MIGA1: variants seen among roughly 807,000 people sequenced by gnomAD.
The protein encoded by MIGA1 is mitoguardin 1, also known as family with sequence similarity 73, member A.
Under a neutral mutation model 82.0 loss-of-function variants are expected in MIGA1, and 58 were observed. The ratio of observed to expected loss-of-function variants is 0.71; its 90% CI spans 0.57 to 0.88. The LOEUF (loss-of-function observed/expected upper bound fraction) is 0.88, where lower values mean the gene tolerates loss of function less well. MIGA1 is among the 40% of genes least tolerant of loss of function. The probability of loss-of-function intolerance (pLI) is 0.00; values close to 1 mark genes in which losing one functional copy is unlikely to be tolerated. For synonymous variants in MIGA1, 249 were observed against 253.6 expected (o/e 0.98, Z 0.17); for missense variants, 751 against 749.1 (o/e 1.00, Z -0.03).
chr1:77,824,169 G>T (rs1160311392), intron 7 of MIGA1, among the ~76,000 whole-genome samples: 2 of 152,152 alleles, frequency 1.3e-5, no homozygotes, highest in Non-Finnish European at 2.9e-5. Flanking sequence ...TAAAATAGGA[G>T]GACTTTTATT....
At chr1:77,848,472 G>T (rs898224295) in intron 8 of MIGA1, 1 of 1,011,136 alleles carries the variant, frequency 9.9e-7, no homozygotes, top group African/African-American at 1.6e-5. Flanking sequence ...TTGATCTTCA[G>T]AAAGAAATCT....
At chr1:77,797,146 A>T (rs1329948976) in intron 2 of MIGA1, among the ~76,000 whole-genome samples, 2 of 152,228 alleles carry the variant, frequency 1.3e-5, no homozygotes, top group African/African-American at 2.4e-5. Flanking sequence ...TTTGTTGATG[A>T]GTAACATTCC....
intron 14 of MIGA1, among the ~76,000 whole-genome samples, chr1:77,871,094 G>GAGGAGA (rs1685967702): frequency 5.6e-5 from 3 of 53,378 alleles, no homozygotes; most frequent in Admixed American, 1.7e-4. Flanking sequence ...CCGTGGGAAG[G>GAGGAGA]GGGAGAGGGA....
intron 8 of MIGA1, among the ~76,000 whole-genome samples, chr1:77,854,523 G>A (rs1012597163): frequency 1.3e-5 from 2 of 152,200 alleles, no homozygotes; most frequent in African/African-American, 4.8e-5. Context: ...CACCAGCAGT[G>A]TAGAAGTGTT....
intron 2 of MIGA1, among the ~76,000 whole-genome samples, chr1:77,787,563 A>G (rs1477050715): frequency 6.6e-6 from 1 of 151,156 alleles, no homozygotes; most frequent in Non-Finnish European, 1.5e-5. Flanking sequence ...TAATTTTTGT[A>G]TTTTTAATAG....
At chr1:77,813,231 C>T (rs1443754033) in intron 5 of MIGA1, among the ~76,000 whole-genome samples, 1 of 152,148 alleles carries the variant, frequency 6.6e-6, no homozygotes, top group East Asian at 1.9e-4. Context: ...ATCCACCCAC[C>T]TCGGGCTCCC....
intron 5 of MIGA1, 58 bp downstream of exon 5, chr1:77,807,159 CTT>C: frequency 7.2e-7 from 1 of 1,382,432 alleles, no homozygotes; most frequent in Non-Finnish European, 9.9e-7. Flanking sequence ...TTGTTTTGTT[CTT>C]GTTTTTTATT....
At chr1:77,861,045 C>A in intron 11 of MIGA1, 179 bp from the exon 12 acceptor site, 1 of 497,918 alleles carries the variant, frequency 2.0e-6, no homozygotes, top group South Asian at 3.3e-5. Context: ...TTTATCTTGG[C>A]TTCTGCAAAA....
At chr1:77,840,640 C>A (rs1351699190) in intron 7 of MIGA1, among the ~76,000 whole-genome samples, 1 of 152,006 alleles carries the variant, frequency 6.6e-6, no homozygotes, top group African/African-American at 2.4e-5. Flanking sequence ...TGCAGAAACC[C>A]CGTCTCTACT....
At chr1:77,788,148 A>G (rs1002108124) in intron 2 of MIGA1, among the ~76,000 whole-genome samples, 1 of 152,164 alleles carries the variant, frequency 6.6e-6, no homozygotes, top group Non-Finnish European at 1.5e-5. Flanking sequence ...GATTATAGGC[A>G]TGTGCCAGCA....
chr1:77,854,870 CT>C (rs1157273799), intron 8 of MIGA1, among the ~76,000 whole-genome samples: 1 of 152,152 alleles, frequency 6.6e-6, no homozygotes, highest in Non-Finnish European at 1.5e-5. Flanking sequence ...TCAACTGGTC[CT>C]TTTGCCATGC....
intron 2 of MIGA1, among the ~76,000 whole-genome samples, chr1:77,791,134 T>C (rs1682400363): frequency 6.6e-6 from 1 of 150,932 alleles, no homozygotes; most frequent in African/African-American, 2.4e-5. Context: ...TAGTTCTAGC[T>C]GAGGAGGCTG....
At chr1:77,796,043 CTTA>C (rs1336441760) in intron 2 of MIGA1, among the ~76,000 whole-genome samples, 1 of 152,142 alleles carries the variant, frequency 6.6e-6, no homozygotes, top group South Asian at 2.1e-4. Flanking sequence ...AATATATTTA[CTTA>C]TTATAATATC....
At chr1:77,816,719 C>T (rs1201757303) in intron 7 of MIGA1, among the ~76,000 whole-genome samples, 2 of 151,956 alleles carry the variant, frequency 1.3e-5, no homozygotes, top group South Asian at 2.1e-4. Flanking sequence ...AGGCAGTATT[C>T]GTATCAACAA....
At chr1:77,832,330 T>G (rs920778810) in intron 7 of MIGA1, among the ~76,000 whole-genome samples, 14 of 152,240 alleles carry the variant, frequency 9.2e-5, no homozygotes, top group African/African-American at 3.4e-4. Context: ...TTTAATTTCC[T>G]AGTATATGTC....
Position 77,779,701 on chromosome 1 carries a change from G to C in MIGA1, c.46G>C (p.Val16Leu). ...GCCAGGCATCAGCTGGGAAGCTGGC[G>C]TGGGCAGGCCAGCTGTACCTGGCCT... The change falls in exon 1 of 16, where the codon GTG becomes CTG. Residue 16 changes from valine (V) to leucine (L), a missense_variant. Val to Leu is a conservative substitution (Grantham distance 32). This residue lies in a region of MIGA1 where 482 missense variants were observed against 439.4 expected (regional missense o/e 1.10). Coordinates refer to ENST00000370791, the MANE Select transcript of MIGA1 (RefSeq NM_198549.4). 6.3e-7 allele frequency: 1 copy of C among 1,590,406 alleles called. No individual in the cohort carries two copies. Among genetic ancestry groups the C allele is most frequent in the Non-Finnish European group, 8.6e-7 (1 of 1,168,592 alleles).
intron 1 of MIGA1, among the ~76,000 whole-genome samples, chr1:77,780,480 A>G (rs919751408): frequency 1.3e-5 from 2 of 152,218 alleles, no homozygotes; most frequent in African/African-American, 4.8e-5. Flanking sequence ...TGTCAGAGTT[A>G]GGTTATATAG....
At chr1:77,799,131 T>A (rs1162476350) in intron 2 of MIGA1, among the ~76,000 whole-genome samples, 1 of 152,188 alleles carries the variant, frequency 6.6e-6, no homozygotes, top group Non-Finnish European at 1.5e-5. Context: ...ATTTTTTGCA[T>A]CTATCAATGA....
At chr1:77,860,464 A>G (rs1685420095) in intron 11 of MIGA1, 1 of 181,468 alleles carries the variant, frequency 5.5e-6, no homozygotes, top group Non-Finnish European at 1.1e-5. Flanking sequence ...GAAATAGCGT[A>G]GGTCTCAGAA....
Sources: allele counts gnomAD v4.1 joint callset (sites outside exome capture counted in the v4.1 genomes callset), GRCh38; gene constraint gnomAD v4.1.1; regional missense constraint gnomAD v4.1.1; transcripts MANE v1.5; gene names NCBI Gene and HGNC (gene_info 2026-07-23, HGNC 2026-07-21).